The following METTL13 variants were observed in gnomAD, a reference collection of about 807,000 sequenced individuals.
METTL13 encodes the protein methyltransferase 13, eEF1A N-terminus and K55, also known as eEF1A lysine and N-terminal methyltransferase.
Under a neutral mutation model 67.4 loss-of-function variants are expected in METTL13, and 52 were observed. That is an observed-to-expected ratio of 0.77 (90% confidence interval 0.62 to 0.97). The LOEUF is 0.97. Ranked by LOEUF, METTL13 falls within the 50% of genes least tolerant of loss-of-function variation. The probability of loss-of-function intolerance (pLI) is 0.00; values close to 1 mark genes in which losing one functional copy is unlikely to be tolerated. For synonymous variants in METTL13, 354 were observed against 353.6 expected (o/e 1.00, Z -0.01); for missense variants, 825 against 889.6 (o/e 0.93, Z 0.92).
chr1:171,783,664 C>A (rs1454059009), intron 1 of METTL13, 76 bp from the exon 2 acceptor site: 47 of 1,509,668 alleles, frequency 3.1e-5, no homozygotes, highest in Non-Finnish European at 3.9e-5. Flanking sequence ...CAAGGTGAGA[C>A]TTGATTCCTT....
In METTL13 at chr1:171,784,142, G is replaced by C. The variant is rs774911920; in HGVS notation, c.556G>C (p.Val186Leu). 2.5e-6 allele frequency: 4 copies of C among 1,614,248 alleles called. No homozygotes were observed. Among genetic ancestry groups the C allele is most frequent in the Non-Finnish European group, 3.4e-6 (4 of 1,180,050 alleles). ...REGWMVRVHQ[V>L]ANSQDQVLEA... ...GGGGTGGATGGTGAGGGTGCACCAA[G>C]TGGCCAACAGCCAGGACCAGGTGTT... The change falls in exon 2 of 8, where the codon GTG (valine) becomes CTG (leucine). Residue 186 changes from valine to leucine, a missense_variant. Transcript: ENST00000361735.
intron 4 of METTL13, among the ~76,000 whole-genome samples, chr1:171,789,005 ATTG>A (rs1328374334): frequency 6.6e-6 from 1 of 152,124 alleles, no homozygotes; most frequent in Non-Finnish European, 1.5e-5. Flanking sequence ...TTTCTGCCCT[ATTG>A]TTTGGTCACT....
chr1:171,784,545 A>AGGGGCTGGGGCTTGGGCT, intron 2 of METTL13, 46 bp downstream of exon 2: 1 of 1,084,774 alleles, frequency 9.2e-7, no homozygotes, highest in South Asian at 1.7e-5. Context: ...GCTGGCTTAC[A>AGGGGCTGGGGCTTGGGCT]GGGGCTGGGG....
At position 171,781,682 on chromosome 1, in the gene METTL13, G is replaced by A. The variant is rs956031866; in HGVS notation, c.-286G>A. On this transcript the variant is annotated 5_prime_UTR_variant, in exon 1 of 8. Coordinates refer to ENST00000361735, the MANE Select transcript of METTL13 (RefSeq NM_015935.5). ...CGCACCCGGATATGGTTATGGGCTC[G>A]GAAATCTAGTTCGGGAAAAGTGTGA... 5.3e-5 allele frequency: 51 copies of A among 965,830 alleles called. No individual in the cohort carries two copies. The highest frequency in any genetic ancestry group is 6.6e-5 in the Non-Finnish European group (49 of 748,020). The allele number at this position is 965,830 out of a possible 1,614,324, so 59.8% of individuals were successfully genotyped here. A position where few individuals can be genotyped will look rare whatever the true frequency, so the allele number is the denominator to read the frequency against.
intron 2 of METTL13, 36 bp downstream of exon 2, chr1:171,784,535 G>T (rs1249981094): frequency 5.4e-6 from 8 of 1,471,474 alleles, no homozygotes; most frequent in African/African-American, 1.4e-5. Context: ...CCCTGGAGGG[G>T]CTGGCTTACA....
In METTL13 at chr1:171,783,781, A is replaced by G. The variant is rs1656904259; in HGVS notation, c.195A>G (p.Gln65=). ...GTGGCAACTCAGAACTGAGTGAGCA[A>G]CTGTATGATGTGGGCTATCGGGATA... is the stretch of plus-strand genomic sequence containing the variant. ...IGCGNSELSE[Q]LYDVGYRDIV... Residue 65 remains glutamine (Q), a synonymous_variant, in exon 2 of 8, where the codon CAA becomes CAG. Transcript: ENST00000361735. 2 of 1,613,740 alleles carry G rather than the reference A, an allele frequency of 1.2e-6. No individual in the cohort carries two copies. Among genetic ancestry groups the G allele is most frequent in the African/African-American group, 1.3e-5 (1 of 75,036 alleles).
intron 2 of METTL13, among the ~76,000 whole-genome samples, chr1:171,784,736 C>T (rs1205018683): frequency 2.0e-5 from 3 of 152,236 alleles, no homozygotes; most frequent in South Asian, 2.1e-4. Context: ...TCTGCCATTG[C>T]AAAGGCTTGA....
intron 2 of METTL13, 98 bp downstream of exon 2, chr1:171,784,597 T>A: frequency 7.3e-7 from 1 of 1,369,162 alleles, no homozygotes. Flanking sequence ...GGGGCTTTGG[T>A]GGGATTCTGG....
rs1656987862 is a variant in METTL13, at chr1:171,785,809, C to T, written c.914-70C>T. 2.7e-5 allele frequency: 41 copies of T among 1,515,296 alleles called. No individual in the cohort carries two copies. The South Asian group carries it at 3.7e-4, about 14-fold the overall frequency. The allele number at this position is 1,515,296 out of a possible 1,614,324, so 93.9% of individuals were successfully genotyped here. ...TCTTGGACAGGGACTGGCTCCCTGC[C>T]GTTTGGGCCATATTGGTTGTGGGCT... On this transcript the variant is annotated intron_variant, in intron 2 of 7. Transcript: ENST00000361735.
rs142438208 is a variant in METTL13 at position 171,796,852 on chromosome 1, C to T, written c.*96C>T. On this transcript the variant is annotated 3_prime_UTR_variant, in exon 8 of 8. Coordinates refer to ENST00000361735, the MANE Select transcript of METTL13 (RefSeq NM_015935.5). ...ACAACGCACAGTACTTTTGAAGCTT[C>T]GTATTTTTCTTGGTTTCACACTCAG... The T allele has an allele frequency of 4.0e-4, 591 of 1,479,650 alleles. 3 individuals are homozygous for T. The highest frequency in any genetic ancestry group is 2.1e-3 in the African/African-American group (153 of 71,494). The allele number at this position is 1,479,650 out of a possible 1,614,324, so 91.7% of individuals were successfully genotyped here.
chr1:171,790,816 T>A, intron 5 of METTL13, 200 bp downstream of exon 5: 1 of 489,006 alleles, frequency 2.0e-6, no homozygotes, highest in Non-Finnish European at 3.3e-6. Flanking sequence ...GAAATTGTAT[T>A]GAAATATGTT....
intron 4 of METTL13, among the ~76,000 whole-genome samples, chr1:171,789,008 G>A (rs1392170109): frequency 6.6e-6 from 1 of 152,184 alleles, no homozygotes; most frequent in African/African-American, 2.4e-5. Context: ...CTGCCCTATT[G>A]TTTGGTCACT....
At chr1:171,784,694 A>G (rs1558129736) in intron 2 of METTL13, among the ~76,000 whole-genome samples, 195 bp downstream of exon 2, 1 of 152,192 alleles carries the variant, frequency 6.6e-6, no homozygotes, top group Non-Finnish European at 1.5e-5. Flanking sequence ...CTCTCTAGCA[A>G]CCTACTTGGA....
chr1:171,796,418 C>T lies in METTL13; in HGVS notation c.1826-64C>T, dbSNP rs181622972. On this transcript the variant is annotated intron_variant, in intron 7 of 7. Coordinates refer to ENST00000361735, the MANE Select transcript of METTL13 (RefSeq NM_015935.5). ...CAGGAATTGGTATTTTCCTCAAAGC[C>T]GATCCTTGTCTTTCATATGTCTCCT... is the stretch of plus-strand genomic sequence containing the variant. 2.6e-4 allele frequency: 409 copies of T among 1,579,014 alleles called. 2 individuals carry two copies. The African/African-American group carries it at 4.8e-3, about 19-fold the overall frequency.
Position 171,792,122 on chromosome 1 carries a change from C to G in METTL13, c.1580C>G (p.Pro527Arg), listed in dbSNP as rs773634739. ...TGCATTGATGCTGTGGAGATCGATC[C>G]CTCCATGTTGGAAGTGGCCACCCAG... ...KSCIDAVEID[P>R]SMLEVATQWF... The change falls in exon 6 of 8, where the codon CCC (proline) becomes CGC (arginine). Residue 527 changes from proline (P) to arginine (R), a missense_variant. Pro to Arg is a moderately radical substitution (Grantham distance 103). Transcript: ENST00000361735. The G allele has an allele frequency of 2.3e-5, 37 of 1,613,928 alleles. No homozygotes were observed. The highest frequency in any genetic ancestry group is 3.1e-5 in the Non-Finnish European group (36 of 1,180,024).
At chr1:171,783,606 C>T (rs1656897225) in intron 1 of METTL13, 134 bp from the exon 2 acceptor site, 1 of 1,028,290 alleles carries the variant, frequency 9.7e-7, no homozygotes, top group East Asian at 2.5e-5. Flanking sequence ...TACAATGTCG[C>T]TCTTTCTCTG....
Position 171,784,258 on chromosome 1 carries a change from G to A in METTL13, c.672G>A (p.Glu224=), listed in dbSNP as rs1246827372. 6.2e-7 allele frequency: 1 copy of A among 1,613,888 alleles called. No homozygotes were observed. Among genetic ancestry groups the A allele is most frequent in the Non-Finnish European group, 8.5e-7 (1 of 1,180,040 alleles). The change falls in exon 2 of 8, where the codon GAG becomes GAA. Residue 224 remains glutamate, a synonymous_variant. Transcript: ENST00000361735. The part of the protein sequence containing the change: ...PVPGSALQIF[E]LCAQEQRKPV... ...CTGGCTCTGCCCTTCAGATCTTTGA[G>A]CTGTGTGCTCAGGAGCAGCGCAAGC...
intron 6 of METTL13, among the ~76,000 whole-genome samples, chr1:171,792,563 A>G (rs537620031): frequency 6.6e-6 from 1 of 152,366 alleles, no homozygotes; most frequent in South Asian, 2.1e-4. Flanking sequence ...AGAAACAGAG[A>G]AGAAAAGGTG....
At chr1:171,788,334 G>A (rs1657093672) in intron 4 of METTL13, among the ~76,000 whole-genome samples, 1 of 152,144 alleles carries the variant, frequency 6.6e-6, no homozygotes, top group South Asian at 2.1e-4. Flanking sequence ...TGACTTAGAG[G>A]CCTTCTAGTA....
Sources: allele counts gnomAD v4.1 joint callset (sites outside exome capture counted in the v4.1 genomes callset), GRCh38; gene constraint gnomAD v4.1.1; transcripts MANE v1.5; gene names NCBI Gene and HGNC (gene_info 2026-07-23, HGNC 2026-07-21).